The following GRIK4 variants were observed in gnomAD, a reference collection of about 807,000 sequenced individuals.
GRIK4 encodes glutamate receptor ionotropic, kainate 4.
GRIK4 carries 40 observed loss-of-function variants against 104.9 expected under a neutral mutation model. The observed-to-expected ratio is 0.38, with a 90% CI of 0.30 to 0.50. The LOEUF is 0.50. Among genes scored for constraint, GRIK4 ranks in the 20% least tolerant of loss-of-function variants. GRIK4 has a pLI of 0.93. For missense variants in GRIK4, 1,047 were observed against 1,308.1 expected (o/e 0.80, Z 3.08); for synonymous variants, 485 against 524.9 (o/e 0.92, Z 1.04).
At chr11:120,741,273 T>TGC in intron 3 of GRIK4, among the ~76,000 whole-genome samples, 1 of 146,170 alleles carries the variant, frequency 6.8e-6, no homozygotes, top group African/African-American at 2.5e-5. Flanking sequence ...GCCGTGTGCT[T>TGC]TCTTTTTTTT....
intron 3 of GRIK4, among the ~76,000 whole-genome samples, chr11:120,706,806 C>T (rs551127022): frequency 6.6e-6 from 1 of 152,274 alleles, no homozygotes; most frequent in African/African-American, 2.4e-5. Flanking sequence ...GCTGTCCCAG[C>T]AGGCCTCCTA....
At chr11:120,516,575 G>C (rs1238283913) in intron 1 of GRIK4, among the ~76,000 whole-genome samples, 2 of 152,242 alleles carry the variant, frequency 1.3e-5, no homozygotes, top group Middle Eastern at 3.4e-3. Flanking sequence ...AGCAGGCTCG[G>C]GGGAGCCGGT....
intron 6 of GRIK4, among the ~76,000 whole-genome samples, chr11:120,825,573 G>T (rs192975089): frequency 6.6e-6 from 1 of 152,196 alleles, no homozygotes; most frequent in African/African-American, 2.4e-5. Flanking sequence ...ATCACCAAAC[G>T]TGGCCCAGGC....
Position 120,787,678 on chromosome 11 carries a change from G to A in GRIK4, c.83-15015G>A, listed in dbSNP as rs181280168. Among the ~76,000 whole-genome samples, 849 of 151,514 alleles carry A rather than the reference G, an allele frequency of 5.6e-3. 5 individuals carry two copies. Among genetic ancestry groups the A allele is most frequent in the Middle Eastern group, 0.027 (8 of 294 alleles). On this transcript the variant is annotated intron_variant, in intron 3 of 20. Transcript: ENST00000527524. ...GGGTTTCACTATGTTGGCCAGGCTG[G>A]TTTGGAACTCCTGGCCTCACGTGAT...
At chr11:120,520,622 A>G (rs1299994397) in intron 1 of GRIK4, among the ~76,000 whole-genome samples, 1 of 152,080 alleles carries the variant, frequency 6.6e-6, no homozygotes, top group Non-Finnish European at 1.5e-5. Flanking sequence ...CACTGGACCA[A>G]CCAGGGTTGT....
chr11:120,629,459 C>T (rs905937747), intron 1 of GRIK4, among the ~76,000 whole-genome samples: 5 of 152,134 alleles, frequency 3.3e-5, no homozygotes, highest in Non-Finnish European at 1.5e-5. Context: ...ACTGCTGGTA[C>T]GACTGCCCGA....
At chr11:120,950,794 TTGGATTCTGCTGCTC>T (rs1225727027) in intron 14 of GRIK4, among the ~76,000 whole-genome samples, 2 of 152,222 alleles carry the variant, frequency 1.3e-5, no homozygotes, top group African/African-American at 4.8e-5. Flanking sequence ...AACTGGGGAC[TTGGATTCTGCTGCTC>T]TGGAGTCCTT....
At chr11:120,784,997 A>G (rs984168026) in intron 3 of GRIK4, among the ~76,000 whole-genome samples, 1 of 152,164 alleles carries the variant, frequency 6.6e-6, no homozygotes, top group Non-Finnish European at 1.5e-5. Flanking sequence ...CCTGGAGGTA[A>G]CAGGCAGACC....
chr11:120,629,375 T>C (rs12273088), intron 1 of GRIK4, among the ~76,000 whole-genome samples: 19,684 of 152,112 alleles, frequency 0.13, 1,908 homozygotes, highest in African/African-American at 0.28. Context: ...TGAAATAAAA[T>C]GTGAACTACC....
chr11:120,781,556 C>T lies in GRIK4; in HGVS notation c.83-21137C>T, dbSNP rs369510513. On this transcript the variant is annotated intron_variant, in intron 3 of 20. Coordinates refer to ENST00000527524, the MANE Select transcript of GRIK4 (RefSeq NM_014619.5). ...TGTAGAGACAGGGGTCTCACTATAT[C>T]GTCCATGCTGTTCTTGAACTCTTGA... 1.4e-3 allele frequency among the ~76,000 whole-genome samples: 217 copies of T among 152,172 alleles called. 1 individual carries two copies. The highest frequency in any genetic ancestry group is 5.1e-3 in the African/African-American group (211 of 41,512).
intron 1 of GRIK4, chr11:120,514,866 G>A: frequency 2.4e-6 from 1 of 419,162 alleles, no homozygotes; most frequent in Non-Finnish European, 4.8e-6. Context: ...CTCTCCCACT[G>A]CCGTGGTCCC....
At chr11:120,826,904 T>TG (rs1953278952) in intron 6 of GRIK4, among the ~76,000 whole-genome samples, 1 of 152,134 alleles carries the variant, frequency 6.6e-6, no homozygotes, top group Non-Finnish European at 1.5e-5. Context: ...CTGGTGAGGG[T>TG]TCGCTCCATG....
At chr11:120,705,523 G>A (rs754020661) in intron 3 of GRIK4, among the ~76,000 whole-genome samples, 8 of 152,076 alleles carry the variant, frequency 5.3e-5, no homozygotes, top group African/African-American at 9.7e-5. Context: ...ACTGCACCTC[G>A]CCCAGCTTTT....
At chr11:120,597,848 T>A (rs1172022415) in intron 1 of GRIK4, among the ~76,000 whole-genome samples, 1 of 152,200 alleles carries the variant, frequency 6.6e-6, no homozygotes, top group Non-Finnish European at 1.5e-5. Context: ...ATTAGAAACC[T>A]GCCTGACTTT....
intron 1 of GRIK4, among the ~76,000 whole-genome samples, chr11:120,526,871 C>T (rs1295602759): frequency 2.0e-5 from 3 of 152,092 alleles, no homozygotes; most frequent in South Asian, 2.1e-4. Context: ...AAAAAAAGTT[C>T]GTTTTTAAAG....
intron 7 of GRIK4, among the ~76,000 whole-genome samples, chr11:120,834,704 T>C (rs931706027): frequency 5.9e-5 from 9 of 152,200 alleles, no homozygotes; most frequent in Non-Finnish European, 1.2e-4. Flanking sequence ...CTCTGCCATC[T>C]CTTGATTTCA....
chr11:120,757,366 G>A (rs577768403), intron 3 of GRIK4, among the ~76,000 whole-genome samples: 1 of 152,326 alleles, frequency 6.6e-6, no homozygotes, highest in East Asian at 1.9e-4. Flanking sequence ...CTGTGTCTTT[G>A]GGCAAGTTCT....
At chr11:120,855,446 T>G (rs1015699349) in intron 8 of GRIK4, among the ~76,000 whole-genome samples, 2 of 152,216 alleles carry the variant, frequency 1.3e-5, no homozygotes, top group Non-Finnish European at 2.9e-5. Flanking sequence ...ATTGTAGTAG[T>G]TATTATTAGA....
intron 3 of GRIK4, among the ~76,000 whole-genome samples, chr11:120,790,972 AATTTGGAC>A (rs1237305223): frequency 2.0e-5 from 3 of 152,222 alleles, no homozygotes; most frequent in Non-Finnish European, 2.9e-5. Flanking sequence ...TGGGACACAG[AATTTGGAC>A]ATTTGGACAT....
Sources: gnomAD v4.1 joint callset for allele counts (sites outside exome capture counted in the v4.1 genomes callset) on GRCh38, gnomAD v4.1.1 for gene constraint, MANE v1.5 for transcripts, NCBI Gene and HGNC (gene_info 2026-07-23, HGNC 2026-07-21) for gene names.